The following TTC39B variants were observed in gnomAD, a reference collection of about 807,000 sequenced individuals.
The protein encoded by TTC39B is tetratricopeptide repeat protein 39B.
TTC39B carries 92 observed loss-of-function variants against 96.6 expected under a neutral mutation model. The observed-to-expected ratio is 0.95, with a 90% CI of 0.80 to 1.13. TTC39B has a LOEUF of 1.13. Ranked by LOEUF, TTC39B falls within the 50% of genes most tolerant of loss-of-function variation. The pLI, the probability that TTC39B is intolerant of heterozygous loss-of-function variation, is 0.00. For missense variants in TTC39B, 955 were observed against 809.3 expected, an observed-to-expected ratio of 1.18 and a Z score of -2.18; for synonymous variants, 367 against 299.4, an observed-to-expected ratio of 1.23 and a Z score of -2.33.
intron 17 of TTC39B, among the ~76,000 whole-genome samples, chr9:15,179,136 A>G (rs1205531642): frequency 6.6e-6 from 1 of 152,210 alleles, no homozygotes; most frequent in East Asian, 1.9e-4. Context: ...GAACCATATT[A>G]CGTGTGACAT....
intron 13 of TTC39B, among the ~76,000 whole-genome samples, chr9:15,188,734 AT>A (rs1818683018): frequency 1.7e-5 from 1 of 60,508 alleles, no homozygotes; most frequent in Admixed American, 1.8e-4. Context: ...GGAAAAAAAT[AT>A]TTTTATATGT....
At chr9:15,222,599 C>T (rs546910506) in intron 3 of TTC39B, among the ~76,000 whole-genome samples, 1 of 152,262 alleles carries the variant, frequency 6.6e-6, no homozygotes, top group Admixed American at 6.5e-5. Flanking sequence ...ACTCAGTCTC[C>T]GGAGCAGCCA....
intron 19 of TTC39B, among the ~76,000 whole-genome samples, chr9:15,174,032 T>C (rs2118446692): frequency 6.6e-6 from 1 of 152,292 alleles, no homozygotes; most frequent in Non-Finnish European, 1.5e-5. Context: ...TGATGACTGA[T>C]CTCAAGATTG....
At chr9:15,233,570 C>T (rs562432059) in intron 2 of TTC39B, among the ~76,000 whole-genome samples, 24 of 151,534 alleles carry the variant, frequency 1.6e-4, no homozygotes, top group Admixed American at 1.4e-3. Context: ...GTTGGCCGGG[C>T]TGGTCTCCAG....
chr9:15,181,574 A>T (rs1420707980), intron 17 of TTC39B, among the ~76,000 whole-genome samples: 1 of 152,188 alleles, frequency 6.6e-6, no homozygotes, highest in African/African-American at 2.4e-5. Context: ...TTACCACATC[A>T]GCTGCTTCCG....
chr9:15,251,028 T>G (rs1822512910), intron 2 of TTC39B, among the ~76,000 whole-genome samples: 3 of 151,806 alleles, frequency 2.0e-5, no homozygotes, highest in Admixed American at 2.0e-4. Context: ...AAACCCCATC[T>G]CTACTAAAAA....
chr9:15,236,025 G>C (rs1421154877), intron 2 of TTC39B, among the ~76,000 whole-genome samples: 1 of 151,978 alleles, frequency 6.6e-6, no homozygotes, highest in Non-Finnish European at 1.5e-5. Context: ...TAGCAAACTA[G>C]TTTTTTAAAA....
At chr9:15,197,811 C>T (rs1444552145) in intron 8 of TTC39B, among the ~76,000 whole-genome samples, 1 of 151,496 alleles carries the variant, frequency 6.6e-6, no homozygotes, top group Non-Finnish European at 1.5e-5. Context: ...ACAACACAGG[C>T]TTTAATACAA....
chr9:15,281,625 C>CAAAAAAAAAAAAAAAAAAAAAA (rs1161175672), intron 1 of TTC39B, among the ~76,000 whole-genome samples: 5 of 49,008 alleles, frequency 1.0e-4, no homozygotes, highest in African/African-American at 3.8e-4. Context: ...CCTGCAACAG[C>CAAAAAAAAAAAAAAAAAAAAAA]AAAAAAAAAA....
chr9:15,288,679 C>A (rs1457677301), intron 1 of TTC39B, among the ~76,000 whole-genome samples: 2 of 152,236 alleles, frequency 1.3e-5, no homozygotes, highest in African/African-American at 4.8e-5. Context: ...GGACACTATG[C>A]TGGTTAACAC....
exon 2 of TTC39B, chr9:15,267,930 A>G (rs756877079): frequency 3.7e-6 from 6 of 1,610,816 alleles, no homozygotes; most frequent in Non-Finnish European, 5.1e-6. Context: ...ATGGTTTCCA[A>G]GGCATCTTCG....
intron 2 of TTC39B, among the ~76,000 whole-genome samples, chr9:15,232,627 C>A (rs1307167092): frequency 6.6e-6 from 1 of 152,138 alleles, no homozygotes; most frequent in African/African-American, 2.4e-5. Flanking sequence ...ACAATGAAAC[C>A]AAGAAAGTAA....
chr9:15,301,584 G>A (rs1230137863), intron 1 of TTC39B, among the ~76,000 whole-genome samples: 11 of 151,610 alleles, frequency 7.3e-5, no homozygotes, highest in Non-Finnish European at 8.8e-5. Flanking sequence ...GAGAAACCCC[G>A]TCTCTATTAA....
chr9:15,302,348 G>A (rs1307589030), intron 1 of TTC39B, among the ~76,000 whole-genome samples: 1 of 151,062 alleles, frequency 6.6e-6, no homozygotes, highest in Admixed American at 6.6e-5. Context: ...CGGGCGCGGT[G>A]GCTCACGCCT....
At chr9:15,302,106 T>C (rs909337961) in intron 1 of TTC39B, among the ~76,000 whole-genome samples, 8 of 145,036 alleles carry the variant, frequency 5.5e-5, no homozygotes, top group African/African-American at 2.6e-5. Flanking sequence ...GTGGATCACT[T>C]GGGGTCAGGA....
chr9:15,207,849 T>A (rs1819958252), intron 6 of TTC39B, among the ~76,000 whole-genome samples: 1 of 150,798 alleles, frequency 6.6e-6, no homozygotes. Context: ...CCAGGCGTGG[T>A]GGCGGGCACC....
intron 4 of TTC39B, 62 bp downstream of exon 4, chr9:15,214,077 C>G (rs1240978129): frequency 2.4e-6 from 3 of 1,263,540 alleles, no homozygotes; most frequent in Non-Finnish European, 3.4e-6. Context: ...ACAAGCATGA[C>G]ATCAAAGAAT....
At chr9:15,166,692 C>G (rs2057480) in exon 20 of TTC39B, 99,172 of 151,702 alleles carry the variant, frequency 0.65, 32,806 homozygotes, top group East Asian at 0.9. Flanking sequence ...GCAGCAGAAA[C>G]AAGCAATCTA....
intron 1 of TTC39B, among the ~76,000 whole-genome samples, chr9:15,303,632 A>C (rs1824669284): frequency 6.6e-6 from 1 of 151,590 alleles, no homozygotes; most frequent in Non-Finnish European, 1.5e-5. Context: ...ATATGAGAAA[A>C]ATTTTTTTTT....
Sources: gnomAD v4.1 joint callset for allele counts (sites outside exome capture counted in the v4.1 genomes callset) on GRCh38, gnomAD v4.1.1 for gene constraint, MANE v1.5 for transcripts, NCBI Gene and HGNC (gene_info 2026-07-23, HGNC 2026-07-21) for gene names.